GMDS: variants seen among roughly 807,000 people sequenced by gnomAD.
The protein encoded by GMDS is GDP-mannose 4,6 dehydratase.
Under a neutral mutation model 49.9 loss-of-function variants are expected in GMDS, and 20 were observed. The ratio of observed to expected loss-of-function variants is 0.40; its 90% CI spans 0.28 to 0.58. The LOEUF is 0.58. GMDS is among the 20% of genes least tolerant of loss of function. The pLI, the probability that GMDS is intolerant of heterozygous loss-of-function variation, is 0.42. For missense variants in GMDS, 362 were observed against 481.4 expected (o/e 0.75, Z 2.32); for synonymous variants, 177 against 178.6 (o/e 0.99, Z 0.07).
intron 4 of GMDS, among the ~76,000 whole-genome samples, chr6:2,014,123 C>G (rs944071804): frequency 3.0e-5 from 4 of 135,316 alleles, no homozygotes; most frequent in Non-Finnish European, 4.8e-5. Context: ...TCCCCCCCCC[C>G]CAAAAAAATA....
intron 9 of GMDS, among the ~76,000 whole-genome samples, chr6:1,666,036 G>A (rs1390110927): frequency 6.6e-6 from 1 of 152,184 alleles, no homozygotes; most frequent in Non-Finnish European, 1.5e-5. Flanking sequence ...AGCCAAGTGG[G>A]TCATCAGCAG....
intron 9 of GMDS, among the ~76,000 whole-genome samples, chr6:1,710,766 C>A (rs1561748235): frequency 6.6e-6 from 1 of 152,202 alleles, no homozygotes; most frequent in Non-Finnish European, 1.5e-5. Context: ...TAAGCACACC[C>A]TCCCTTGCAG....
At chr6:1,803,045 A>T (rs1770012266) in intron 7 of GMDS, among the ~76,000 whole-genome samples, 1 of 152,356 alleles carries the variant, frequency 6.6e-6, no homozygotes, top group Non-Finnish European at 1.5e-5. Context: ...AAACAAAAGG[A>T]TATTATGTAG....
At chr6:1,745,012 T>C (rs1165163528) in intron 7 of GMDS, among the ~76,000 whole-genome samples, 3 of 152,354 alleles carry the variant, frequency 2.0e-5, no homozygotes, top group East Asian at 3.9e-4. Context: ...CAGAAACTTA[T>C]TTTGGCTTTT....
intron 7 of GMDS, among the ~76,000 whole-genome samples, chr6:1,763,382 A>G (rs1207722123): frequency 1.3e-5 from 2 of 152,220 alleles, no homozygotes; most frequent in Non-Finnish European, 2.9e-5. Flanking sequence ...AGCATTCAGT[A>G]AGTCAATTCT....
At position 1,682,560 on chromosome 6, in the gene GMDS, A is replaced by ATTTT. The variant is rs1199208514; in HGVS notation, c.987+43852_987+43855dup. Among the ~76,000 whole-genome samples the ATTTT allele has an allele frequency of 8.2e-5, 2 of 24,312 alleles. 1 individual carries two copies. The highest frequency in any genetic ancestry group is 2.1e-4 in the Non-Finnish European group (2 of 9,696). 15.9% of individuals were successfully genotyped at this position (24,312 alleles called of 152,430 possible). On this transcript the variant is annotated intron_variant, in intron 9 of 10. Transcript: ENST00000380815. ...TCTGCCCCAGTGCTGATGGCCTTTCATTTTTTTTTTTTTTTTTTTTTTTTT... is the reference window on the plus strand; with the variant it reads ...TCTGCCCCAGTGCTGATGGCCTTTCATTTTTTTTTTTTTTTTTTTTTTTTTTTTT...
intron 7 of GMDS, among the ~76,000 whole-genome samples, chr6:1,839,158 A>C (rs977426236): frequency 3.9e-5 from 6 of 152,210 alleles, no homozygotes; most frequent in Non-Finnish European, 7.3e-5. Flanking sequence ...TCAGAAAAAA[A>C]AAAAGTGAGC....
intron 1 of GMDS, among the ~76,000 whole-genome samples, chr6:2,189,754 G>A (rs922114390): frequency 1.6e-4 from 25 of 152,226 alleles, no homozygotes; most frequent in African/African-American, 2.7e-4. Flanking sequence ...TTCTCAGTCT[G>A]TATTCTACCC....
At chr6:1,709,773 G>A (rs571062416) in intron 9 of GMDS, among the ~76,000 whole-genome samples, 4 of 152,194 alleles carry the variant, frequency 2.6e-5, no homozygotes, top group Non-Finnish European at 5.9e-5. Context: ...GCTGTAACTA[G>A]GATTTAGAGA....
At chr6:1,725,787 A>C (rs533312052) in intron 9 of GMDS, among the ~76,000 whole-genome samples, 5 of 152,342 alleles carry the variant, frequency 3.3e-5, no homozygotes, top group African/African-American at 9.6e-5. Flanking sequence ...TGGTAAAGAG[A>C]GAAAGACATG....
intron 4 of GMDS, among the ~76,000 whole-genome samples, chr6:2,073,783 G>A (rs1285030936): frequency 6.6e-6 from 1 of 151,970 alleles, no homozygotes. Flanking sequence ...TCTGTGCCTG[G>A]GTTATATAAT....
At chr6:1,917,421 C>T (rs572490850) in intron 7 of GMDS, among the ~76,000 whole-genome samples, 5 of 152,278 alleles carry the variant, frequency 3.3e-5, no homozygotes, top group East Asian at 1.9e-4. Flanking sequence ...AAAAACAATC[C>T]GTGCTCTCCT....
intron 6 of GMDS, among the ~76,000 whole-genome samples, chr6:1,949,627 A>C (rs1345967242): frequency 6.6e-6 from 1 of 152,222 alleles, no homozygotes; most frequent in Non-Finnish European, 1.5e-5. Context: ...ACAAAGAATA[A>C]CATGGGCCAG....
chr6:1,736,550 A>G (rs1767007414), intron 8 of GMDS, among the ~76,000 whole-genome samples: 1 of 152,144 alleles, frequency 6.6e-6, no homozygotes, highest in South Asian at 2.1e-4. Flanking sequence ...GGGGATTTTG[A>G]GTGACGATGA....
At chr6:1,995,078 C>T (rs1283107445) in intron 4 of GMDS, among the ~76,000 whole-genome samples, 1 of 152,114 alleles carries the variant, frequency 6.6e-6, no homozygotes, top group Non-Finnish European at 1.5e-5. Flanking sequence ...TTACAAACCC[C>T]TAAAAACCTG....
At chr6:1,817,912 T>G (rs1477102074) in intron 7 of GMDS, among the ~76,000 whole-genome samples, 1 of 152,174 alleles carries the variant, frequency 6.6e-6, no homozygotes, top group East Asian at 1.9e-4. Flanking sequence ...CTTTCTTTTT[T>G]TAATGGAGAA....
intron 7 of GMDS, among the ~76,000 whole-genome samples, chr6:1,853,189 C>T (rs952083295): frequency 1.3e-5 from 2 of 151,938 alleles, no homozygotes; most frequent in Admixed American, 6.6e-5. Context: ...ACACAAGACA[C>T]AAAACACTGC....
intron 7 of GMDS, among the ~76,000 whole-genome samples, chr6:1,799,085 T>C (rs1769848091): frequency 6.6e-6 from 1 of 152,100 alleles, no homozygotes; most frequent in Admixed American, 6.5e-5. Flanking sequence ...ATCCCTAGGA[T>C]ATCGTGTAGG....
intron 7 of GMDS, among the ~76,000 whole-genome samples, chr6:1,856,273 T>C (rs911421316): frequency 1.3e-5 from 2 of 152,200 alleles, no homozygotes; most frequent in Non-Finnish European, 2.9e-5. Context: ...AAAACTCTCT[T>C]TATAATTCAC....
Sources: gnomAD v4.1 joint callset for allele counts (sites outside exome capture counted in the v4.1 genomes callset) on GRCh38, gnomAD v4.1.1 for gene constraint, MANE v1.5 for transcripts, NCBI Gene and HGNC (gene_info 2026-07-23, HGNC 2026-07-21) for gene names.